NIPA1: variants seen among roughly 807,000 people sequenced by gnomAD.
NIPA1 encodes the protein NIPA magnesium transporter 1, also known as magnesium transporter NIPA1.
A neutral mutation model predicts 23.9 loss-of-function variants in NIPA1; 13 were observed. The ratio of observed to expected loss-of-function variants is 0.54; its 90% CI spans 0.35 to 0.87. The LOEUF (loss-of-function observed/expected upper bound fraction) is 0.87. Ranked by LOEUF, NIPA1 falls within the 40% of genes least tolerant of loss-of-function variation. NIPA1 has a pLI of 0.01. For synonymous variants in NIPA1, 234 were observed against 202.9 expected, an observed-to-expected ratio of 1.15 and a Z score of -1.30; for missense variants, 362 against 429.7, an observed-to-expected ratio of 0.84 and a Z score of 1.39.
intron 1 of NIPA1, among the ~76,000 whole-genome samples, chr15:22,806,011 C>T (rs1895200689): frequency 6.6e-6 from 1 of 152,058 alleles, no homozygotes. Flanking sequence ...GCAAGCTCCG[C>T]CTTCTGGGTT....
At chr15:22,799,737 G>A (rs188900895) in intron 1 of NIPA1, among the ~76,000 whole-genome samples, 228 of 150,052 alleles carry the variant, frequency 1.5e-3, no homozygotes, top group African/African-American at 4.9e-3. Context: ...AGCCGAGATC[G>A]CACCATTGCA....
chr15:22,799,648 G>A (rs12441198), intron 1 of NIPA1, among the ~76,000 whole-genome samples: 24,595 of 151,702 alleles, frequency 0.16, 2,371 homozygotes, highest in East Asian at 0.53. Context: ...CAGGTGTGGC[G>A]GCAGGCGCCT....
At chr15:22,796,572 A>G (rs1440281924) in intron 1 of NIPA1, among the ~76,000 whole-genome samples, 1 of 151,948 alleles carries the variant, frequency 6.6e-6, no homozygotes, top group East Asian at 1.9e-4. Flanking sequence ...CCAAATTACT[A>G]GGATTCCAGG....
At chr15:22,816,050 T>G (rs559277970) in intron 3 of NIPA1, among the ~76,000 whole-genome samples, 2 of 152,248 alleles carry the variant, frequency 1.3e-5, no homozygotes, top group South Asian at 4.1e-4. Context: ...GCTGCCTACT[T>G]TCACCTCATC....
chr15:22,787,137 T>C (rs1894725443), intron 1 of NIPA1, among the ~76,000 whole-genome samples: 1 of 151,964 alleles, frequency 6.6e-6, no homozygotes, highest in Non-Finnish European at 1.5e-5. Flanking sequence ...GTGTGCGGGC[T>C]TCCCCGGCTG....
At chr15:22,787,689 T>A (rs943909466) in intron 1 of NIPA1, among the ~76,000 whole-genome samples, 6 of 152,132 alleles carry the variant, frequency 3.9e-5, no homozygotes, top group African/African-American at 9.7e-5. Flanking sequence ...CCAGAGGGAC[T>A]GAGAAAGTCT....
At chr15:22,812,625 C>T in intron 3 of NIPA1, among the ~76,000 whole-genome samples, 1 of 151,124 alleles carries the variant, frequency 6.6e-6, no homozygotes, top group South Asian at 2.1e-4. Context: ...AGCACTCCAG[C>T]CTGGGAGACA....
chr15:22,812,335 A>G, intron 3 of NIPA1, 82 bp downstream of exon 3: 5 of 1,025,180 alleles, frequency 4.9e-6, no homozygotes, highest in South Asian at 2.6e-5. Context: ...TGTTAAAGTA[A>G]TAAGAGCAAA....
intron 3 of NIPA1, among the ~76,000 whole-genome samples, chr15:22,818,926 T>C (rs1895478368): frequency 6.6e-6 from 1 of 152,168 alleles, no homozygotes. Context: ...CATCTTGGCA[T>C]AGTCCACCCG....
At position 22,824,436 on chromosome 15, in the gene NIPA1, C is replaced by T; in HGVS notation, c.*197C>T. The T allele has an allele frequency of 1.7e-6, 1 of 601,704 alleles. No homozygotes were observed. Among genetic ancestry groups the T allele is most frequent in the Non-Finnish European group, 3.0e-6 (1 of 335,934 alleles). 37.3% of individuals were successfully genotyped at this position (601,704 alleles called of 1,614,324 possible). A position where few individuals can be genotyped will look rare whatever the true frequency, so the allele number is the denominator to read the frequency against. ...GCCAGCCCTCTGCAGCCCAAACGTC[C>T]CCAACGGTTGCCTGGCACCATCTCT... On this transcript the variant is annotated 3_prime_UTR_variant, in exon 5 of 5. Coordinates refer to ENST00000337435, the MANE Select transcript of NIPA1 (RefSeq NM_144599.5). This position sits in a 1 kb window ranked among gnomAD's most constrained non-coding sequence, Gnocchi z 4.1.
intron 4 of NIPA1, among the ~76,000 whole-genome samples, chr15:22,820,803 T>G (rs530915417): frequency 2.0e-5 from 3 of 152,092 alleles, no homozygotes; most frequent in African/African-American, 7.2e-5. Flanking sequence ...CAAGTCTGAC[T>G]GCCACCCGCC....
At chr15:22,804,629 T>G (rs1037147307) in intron 1 of NIPA1, among the ~76,000 whole-genome samples, 2 of 152,112 alleles carry the variant, frequency 1.3e-5, no homozygotes, top group African/African-American at 4.8e-5. Flanking sequence ...TACAGGATGG[T>G]CTGAGGCATG....
At chr15:22,812,369 A>C (rs2140868534) in intron 3 of NIPA1, 116 bp downstream of exon 3, 1 of 776,592 alleles carries the variant, frequency 1.3e-6, no homozygotes, top group Non-Finnish European at 2.2e-6. Flanking sequence ...ATAGATCTTC[A>C]GGCCGGGCAT....
chr15:22,790,204 C>A (rs1037624557), intron 1 of NIPA1, among the ~76,000 whole-genome samples: 1 of 152,158 alleles, frequency 6.6e-6, no homozygotes, highest in Admixed American at 6.5e-5. Flanking sequence ...TTTCATACTT[C>A]CCCAGTGACC....
At chr15:22,806,456 T>C (rs908585158) in intron 1 of NIPA1, among the ~76,000 whole-genome samples, 13 of 152,182 alleles carry the variant, frequency 8.5e-5, no homozygotes, top group Admixed American at 7.9e-4. Context: ...TTAGCGATCA[T>C]ATCCTCTGCA....
rs1009043342 is a variant in NIPA1, at chr15:22,827,727, T to C, written c.*3488T>C. 1.3e-5 allele frequency: 2 copies of C among 152,178 alleles called. No individual in the cohort carries two copies. Among genetic ancestry groups the C allele is most frequent in the Admixed American group, 1.3e-4 (2 of 15,282 alleles). 9.4% of individuals were successfully genotyped at this position (152,178 alleles called of 1,614,324 possible). On this transcript the variant is annotated 3_prime_UTR_variant, in exon 5 of 5. Transcript: ENST00000337435. The stretch of plus-strand genomic sequence containing the variant: ...CTGTTCACTTGTGCAGTCGTCTTAT[T>C]TTCCTTCTTCCTAGATGACTCAGCT...
In NIPA1 at chr15:22,786,714, G is replaced by T. The variant is rs750772638; in HGVS notation, c.58G>T (p.Ala20Ser). 13 of 1,189,886 alleles carry T rather than the reference G, an allele frequency of 1.1e-5. No homozygotes were observed. In the South Asian group the frequency reaches 2.1e-4, roughly 19 times the overall value. 73.7% of individuals were successfully genotyped at this position (1,189,886 alleles called of 1,614,324 possible). The change falls in exon 1 of 5, where the codon GCG (alanine) becomes TCG (serine). Residue 20 changes from alanine to serine, a missense_variant. By Grantham distance (99) the Ala-to-Ser change is moderately conservative (BLOSUM62 1). Around this residue, in one of 2 missense-constraint regions of NIPA1, gnomAD observed 85 missense variants for 57.7 expected, o/e 1.47. Coordinates refer to ENST00000337435, the MANE Select transcript of NIPA1 (RefSeq NM_144599.5). ...AAAAAAAGEG[A>S]RSPSPAAVSL... ...GGCGGCGGCGGCGGCCGGGGAGGGG[G>T]CGCGTAGCCCGAGCCCCGCCGCCGT...
chr15:22,790,120 A>T (rs906151967), intron 1 of NIPA1, among the ~76,000 whole-genome samples: 4 of 151,978 alleles, frequency 2.6e-5, no homozygotes, highest in Non-Finnish European at 5.9e-5. Flanking sequence ...GCTTTAGAAC[A>T]GGAATGAAAG....
chr15:22,804,568 A>G (rs558379434), intron 1 of NIPA1, among the ~76,000 whole-genome samples: 1 of 152,218 alleles, frequency 6.6e-6, no homozygotes, highest in East Asian at 1.9e-4. Context: ...GTGTGTTCTT[A>G]GAGCTTCACA....
Sources: gnomAD v4.1 joint callset for allele counts (sites outside exome capture counted in the v4.1 genomes callset) on GRCh38, gnomAD v4.1.1 for gene constraint, gnomAD v4.1.1 regional missense constraint, Gnocchi (gnomAD v3.1) non-coding constraint, MANE v1.5 for transcripts, NCBI Gene and HGNC (gene_info 2026-07-23, HGNC 2026-07-21) for gene names.